TSNARE1: variants seen among roughly 807,000 people sequenced by gnomAD.
The protein encoded by TSNARE1 is t-SNARE domain containing 1.
A neutral mutation model predicts 62.0 loss-of-function variants in TSNARE1; 49 were observed. The ratio of observed to expected loss-of-function variants is 0.79; its 90% CI spans 0.63 to 1.00. The LOEUF (loss-of-function observed/expected upper bound fraction) is 1.00, where lower values mean the gene tolerates loss of function less well. TSNARE1 is among the 50% of genes least tolerant of loss of function. TSNARE1 has a pLI of 0.00. For missense variants in TSNARE1, 755 were observed against 700.1 expected (o/e 1.08, Z -0.88); for synonymous variants, 328 against 294.4 (o/e 1.11, Z -1.17).
intron 9 of TSNARE1, among the ~76,000 whole-genome samples, chr8:142,304,644 C>T (rs959600529): frequency 2.0e-5 from 3 of 152,348 alleles, no homozygotes; most frequent in South Asian, 2.1e-4. Flanking sequence ...CTCCAGCTTT[C>T]ACTTCCAGGG....
At chr8:142,244,842 A>C (rs1161255469) in intron 12 of TSNARE1, among the ~76,000 whole-genome samples, 2 of 152,266 alleles carry the variant, frequency 1.3e-5, no homozygotes, top group African/African-American at 4.8e-5. Context: ...GGAGCAGGGC[A>C]GACCGGCAAG....
At chr8:142,249,644 C>G (rs1012242174) in intron 12 of TSNARE1, among the ~76,000 whole-genome samples, 2 of 152,226 alleles carry the variant, frequency 1.3e-5, no homozygotes, top group East Asian at 3.8e-4. Flanking sequence ...CCCTCCTCCG[C>G]CCAGGGTGCT....
chr8:142,351,426 T>C (rs926265723), intron 2 of TSNARE1, among the ~76,000 whole-genome samples: 2 of 152,156 alleles, frequency 1.3e-5, no homozygotes, highest in Non-Finnish European at 2.9e-5. Context: ...AGAAAAGATA[T>C]GTAAGATCTT....
intron 13 of TSNARE1, among the ~76,000 whole-genome samples, chr8:142,220,040 C>T (rs779756914): frequency 6.6e-5 from 10 of 152,210 alleles, no homozygotes; most frequent in Non-Finnish European, 1.2e-4. Context: ...TGTGGGAGCC[C>T]CAGAAAGAAA....
chr8:142,251,448 C>G (rs189200742), intron 12 of TSNARE1, among the ~76,000 whole-genome samples: 1 of 152,044 alleles, frequency 6.6e-6, no homozygotes, highest in East Asian at 1.9e-4. Flanking sequence ...TGCAGCATCC[C>G]GACACCTCCC....
At chr8:142,279,875 T>G in intron 11 of TSNARE1, 1 of 1,032,352 alleles carries the variant, frequency 9.7e-7, no homozygotes, top group Non-Finnish European at 1.2e-6. Context: ...AGGGGCTCCG[T>G]GGTCTGGCCC....
At chr8:142,288,903 A>G (rs1287621297) in intron 10 of TSNARE1, among the ~76,000 whole-genome samples, 2 of 152,250 alleles carry the variant, frequency 1.3e-5, no homozygotes, top group Non-Finnish European at 2.9e-5. Context: ...TCCTAGCACC[A>G]TGGGCTCATG....
At position 142,319,137 on chromosome 8, in the gene TSNARE1, T is replaced by C. The variant is rs1829083461; in HGVS notation, c.894-503A>G. ...CAGCCGGGCCCCACCAATCGGCCAC[T>C]GCGAGGACCACCTTGCTCCGCCGCA... On this transcript the variant is annotated intron_variant, in intron 6 of 13. Coordinates refer to ENST00000524325, the MANE Select transcript of TSNARE1 (RefSeq NM_145003.5). The surrounding 1 kb of genome is among the most constrained non-coding windows in gnomAD (Gnocchi z 4.9). Among the ~76,000 whole-genome samples the C allele has an allele frequency of 6.6e-6, 1 of 150,478 alleles. No individual in the cohort carries two copies. Among genetic ancestry groups the C allele is most frequent in the African/African-American group, 2.4e-5 (1 of 40,818 alleles).
At chr8:142,277,170 G>C (rs1820636230) in intron 11 of TSNARE1, 1 of 985,176 alleles carries the variant, frequency 1.0e-6, no homozygotes, top group East Asian at 1.1e-4. Context: ...ACAGGCCCTG[G>C]GCACCTGCTC....
chr8:142,373,934 G>T (rs1836100286), intron 1 of TSNARE1, among the ~76,000 whole-genome samples: 1 of 152,174 alleles, frequency 6.6e-6, no homozygotes, highest in African/African-American at 2.4e-5. Context: ...AAACACCTCA[G>T]GCTCCAGGTA....
chr8:142,255,828 C>T (rs1586866645), intron 12 of TSNARE1, among the ~76,000 whole-genome samples: 1 of 88,274 alleles, frequency 1.1e-5, no homozygotes, highest in African/African-American at 4.4e-5. Context: ...CCATCACCAC[C>T]ACCACCACCA....
intron 1 of TSNARE1, among the ~76,000 whole-genome samples, chr8:142,370,938 A>G (rs570210439): frequency 4.8e-4 from 73 of 152,250 alleles, no homozygotes; most frequent in Admixed American, 2.3e-3. Flanking sequence ...TGACCTAACT[A>G]CCTTCGGAAA....
chr8:142,346,040 T>A (rs1201514063), intron 2 of TSNARE1, 148 bp from the exon 3 acceptor site: 2 of 858,256 alleles, frequency 2.3e-6, no homozygotes, highest in Admixed American at 3.0e-5. Flanking sequence ...GCCTGCTATA[T>A]CCTCTGGATC....
chr8:142,403,678 C>G (rs1240290173), upstream of TSNARE1: 1 of 152,220 alleles, frequency 6.6e-6, no homozygotes, highest in South Asian at 2.1e-4. Context: ...TGGCAGGCCC[C>G]GCGGGGACTC....
upstream of TSNARE1, chr8:142,405,392 A>G (rs1206301271): frequency 6.6e-6 from 1 of 152,074 alleles, no homozygotes; most frequent in Non-Finnish European, 1.5e-5. Flanking sequence ...AGTGAGACCA[A>G]CAGGGTGAAT....
chr8:142,270,588 G>C, intron 12 of TSNARE1: 1 of 985,112 alleles, frequency 1.0e-6, no homozygotes. Context: ...ACGTAGGGCA[G>C]AGGAGCCCTG....
chr8:142,382,034 G>C (rs1321026469), intron 1 of TSNARE1, among the ~76,000 whole-genome samples: 2 of 152,150 alleles, frequency 1.3e-5, no homozygotes, highest in Non-Finnish European at 2.9e-5. Flanking sequence ...ATGCTCGGTG[G>C]AGGAGGCCTG....
chr8:142,333,642 C>T (rs1831360513), intron 4 of TSNARE1, among the ~76,000 whole-genome samples: 1 of 152,148 alleles, frequency 6.6e-6, no homozygotes, highest in South Asian at 2.1e-4. Context: ...AGCTGCCTGG[C>T]CAGGGCAGAG....
intron 2 of TSNARE1, among the ~76,000 whole-genome samples, chr8:142,348,855 G>A (rs1833728867): frequency 6.6e-6 from 1 of 152,138 alleles, no homozygotes; most frequent in African/African-American, 2.4e-5. Flanking sequence ...TCACTAGCTG[G>A]CTTTTTGCTG....
Sources: gnomAD v4.1 joint callset for allele counts (sites outside exome capture counted in the v4.1 genomes callset) on GRCh38, gnomAD v4.1.1 for gene constraint, Gnocchi (gnomAD v3.1) non-coding constraint, MANE v1.5 for transcripts, NCBI Gene and HGNC (gene_info 2026-07-23, HGNC 2026-07-21) for gene names.